The following CNTN5 variants were observed in gnomAD, a reference collection of about 807,000 sequenced individuals.
The protein encoded by CNTN5 is contactin-5.
Under a neutral mutation model 129.1 loss-of-function variants are expected in CNTN5, and 77 were observed. That is an observed-to-expected ratio of 0.60 (90% confidence interval 0.50 to 0.72). The LOEUF (loss-of-function observed/expected upper bound fraction) is 0.72. Ranked by LOEUF, CNTN5 falls within the 30% of genes least tolerant of loss-of-function variation. The pLI is 0.00. For missense variants in CNTN5, 1,478 were observed against 1,328.8 expected (o/e 1.11, Z -1.75); for synonymous variants, 509 against 465.6 (o/e 1.09, Z -1.20).
intron 2 of CNTN5, among the ~76,000 whole-genome samples, chr11:99,415,043 C>G (rs1220775301): frequency 1.0e-5 from 1 of 99,176 alleles, no homozygotes; most frequent in Non-Finnish European, 2.0e-5. Context: ...TGGATTATTT[C>G]AACAAGGCAT....
intron 13 of CNTN5, among the ~76,000 whole-genome samples, chr11:100,153,796 AATTAT>A (rs1276229425): frequency 2.0e-5 from 3 of 152,032 alleles, no homozygotes; most frequent in Non-Finnish European, 2.9e-5. Context: ...ACCGTATATA[AATTAT>A]ATTATTTTAT....
intron 3 of CNTN5, among the ~76,000 whole-genome samples, chr11:99,611,258 C>T (rs1317977406): frequency 6.6e-6 from 1 of 152,116 alleles, no homozygotes; most frequent in East Asian, 1.9e-4. Flanking sequence ...AAAGAATACT[C>T]AGCTACAGCA....
At chr11:100,036,636 T>G (rs1349171177) in intron 9 of CNTN5, among the ~76,000 whole-genome samples, 3 of 150,176 alleles carry the variant, frequency 2.0e-5, no homozygotes, top group Non-Finnish European at 4.5e-5. Flanking sequence ...TATCCTCTTT[T>G]ATTTCATTGA....
intron 2 of CNTN5, among the ~76,000 whole-genome samples, chr11:99,499,160 T>C (rs948058798): frequency 6.6e-6 from 1 of 152,224 alleles, no homozygotes; most frequent in African/African-American, 2.4e-5. Context: ...CCTACTGAGA[T>C]AGTTAACACC....
intron 3 of CNTN5, among the ~76,000 whole-genome samples, chr11:99,561,236 T>C (rs1482241355): frequency 2.6e-5 from 4 of 151,978 alleles, no homozygotes; most frequent in Non-Finnish European, 4.4e-5. Flanking sequence ...GTCAAAGAGA[T>C]GTAGGAGCCA....
At chr11:100,240,107 G>C (rs1469812723) in intron 16 of CNTN5, among the ~76,000 whole-genome samples, 1 of 152,126 alleles carries the variant, frequency 6.6e-6, no homozygotes, top group Non-Finnish European at 1.5e-5. Flanking sequence ...CAGATGTTAA[G>C]TCAAGATAAT....
chr11:99,121,593 G>A (rs61199109), intron 1 of CNTN5, among the ~76,000 whole-genome samples: 3,961 of 152,282 alleles, frequency 0.026, 181 homozygotes, highest in African/African-American at 0.087. Flanking sequence ...CTTGTAGAAT[G>A]GGTTTGCCCA....
At chr11:99,546,025 G>A (rs1239295125) in intron 2 of CNTN5, among the ~76,000 whole-genome samples, 1 of 152,138 alleles carries the variant, frequency 6.6e-6, no homozygotes, top group African/African-American at 2.4e-5. Flanking sequence ...AAGTCAGCAT[G>A]AGTACATTAT....
At chr11:99,916,687 G>T (rs1028464084) in intron 7 of CNTN5, among the ~76,000 whole-genome samples, 2 of 152,052 alleles carry the variant, frequency 1.3e-5, no homozygotes, top group Non-Finnish European at 2.9e-5. Flanking sequence ...ACTTTATGTG[G>T]CTTGAGGAAG....
chr11:99,248,998 C>A (rs61624376), intron 1 of CNTN5, among the ~76,000 whole-genome samples: 5 of 151,776 alleles, frequency 3.3e-5, no homozygotes, highest in African/African-American at 1.2e-4. Flanking sequence ...TCCAATTCTG[C>A]GAAGAAAGTC....
At chr11:99,790,520 G>A (rs567862066) in intron 3 of CNTN5, among the ~76,000 whole-genome samples, 1 of 152,126 alleles carries the variant, frequency 6.6e-6, no homozygotes, top group Non-Finnish European at 1.5e-5. Flanking sequence ...TTTTATTGCA[G>A]CTTAGTGTTC....
chr11:99,819,852 T>C, intron 4 of CNTN5, 87 bp downstream of exon 4: 1 of 493,066 alleles, frequency 2.0e-6, no homozygotes, highest in Non-Finnish European at 3.1e-6. Context: ...ATCAAGACTA[T>C]TCCAGTAGGA....
intron 3 of CNTN5, among the ~76,000 whole-genome samples, chr11:99,599,533 T>C (rs1950248747): frequency 6.6e-6 from 1 of 152,182 alleles, no homozygotes; most frequent in Non-Finnish European, 1.5e-5. Flanking sequence ...TAGTGTTCTA[T>C]GTTGAAGGGC....
At chr11:99,088,593 G>A (rs1337066744) in intron 1 of CNTN5, among the ~76,000 whole-genome samples, 1 of 152,158 alleles carries the variant, frequency 6.6e-6, no homozygotes, top group Non-Finnish European at 1.5e-5. Context: ...AAAAGCAACA[G>A]CAGCAGCAGC....
At chr11:99,152,051 A>T (rs921570959) in intron 1 of CNTN5, among the ~76,000 whole-genome samples, 1 of 152,188 alleles carries the variant, frequency 6.6e-6, no homozygotes, top group African/African-American at 2.4e-5. Flanking sequence ...AGTAGTAGGA[A>T]TATTGATATT....
At chr11:99,577,995 C>A (rs1040625085) in intron 3 of CNTN5, among the ~76,000 whole-genome samples, 11 of 124,666 alleles carry the variant, frequency 8.8e-5, no homozygotes, top group African/African-American at 3.5e-4. Context: ...CACCCCACAA[C>A]AGTCCCTGGT....
At chr11:100,045,763 C>G (rs1942636279) in intron 9 of CNTN5, among the ~76,000 whole-genome samples, 1 of 148,276 alleles carries the variant, frequency 6.7e-6, no homozygotes, top group Non-Finnish European at 1.5e-5. Context: ...ACTAGAGATG[C>G]CATCACACAA....
intron 23 of CNTN5, among the ~76,000 whole-genome samples, chr11:100,350,416 C>T (rs1952380923): frequency 6.6e-6 from 1 of 151,666 alleles, no homozygotes; most frequent in South Asian, 2.1e-4. Flanking sequence ...GGAATTCTCC[C>T]TTTCTCAAAC....
Position 99,344,499 on chromosome 11 carries a change from T to C in CNTN5, c.-71+19015T>C, listed in dbSNP as rs1379204370. ...CTATTATGTTAAAAATAACAATTTT[T>C]ATTACATTAAGATATCCATCTTTTG... On this transcript the variant is annotated intron_variant, in intron 2 of 24. Transcript: ENST00000524871. Among the ~76,000 whole-genome samples, 4 of 152,334 alleles carry C rather than the reference T, an allele frequency of 2.6e-5. No individual in the cohort carries two copies. In the South Asian group the frequency reaches 6.2e-4, roughly 24 times the overall value.
Sources: allele counts gnomAD v4.1 joint callset (sites outside exome capture counted in the v4.1 genomes callset), GRCh38; gene constraint gnomAD v4.1.1; transcripts MANE v1.5; gene names NCBI Gene and HGNC (gene_info 2026-07-23, HGNC 2026-07-21).